The following TRAF3IP2 variants were observed in gnomAD, a reference collection of about 807,000 sequenced individuals.
TRAF3IP2 encodes the protein TRAF3 interacting protein 2.
A neutral mutation model predicts 57.9 loss-of-function variants in TRAF3IP2; 35 were observed. That is an observed-to-expected ratio of 0.60 (90% CI 0.46 to 0.80). TRAF3IP2 has a LOEUF of 0.80. Among genes scored for constraint, TRAF3IP2 ranks in the 30% least tolerant of loss-of-function variants. The pLI, the probability that TRAF3IP2 is intolerant of heterozygous loss-of-function variation, is 0.00. For missense variants in TRAF3IP2, 556 were observed against 706.4 expected, an observed-to-expected ratio of 0.79 and a Z score of 2.41; for synonymous variants, 251 against 268.9, an observed-to-expected ratio of 0.93 and a Z score of 0.65.
intron 1 of TRAF3IP2, among the ~76,000 whole-genome samples, chr6:111,594,717 C>A (rs1407186981): frequency 6.6e-6 from 1 of 152,098 alleles, no homozygotes; most frequent in East Asian, 1.9e-4. Flanking sequence ...AGTTCAAGAC[C>A]AGCCTTGGCA....
chr6:111,589,212 CACA>C (rs1013341526), intron 2 of TRAF3IP2, among the ~76,000 whole-genome samples: 1 of 151,900 alleles, frequency 6.6e-6, no homozygotes, highest in African/African-American at 2.4e-5. Context: ...AGGCGCCCGC[CACA>C]ACAACTGGCT....
chr6:111,578,890 T>C (rs371895713), intron 3 of TRAF3IP2, among the ~76,000 whole-genome samples: 1 of 152,362 alleles, frequency 6.6e-6, no homozygotes, highest in African/African-American at 2.4e-5. Context: ...TATATAAAAG[T>C]TGCTTTTGAG....
At chr6:111,577,796 T>C (rs984266403) in intron 3 of TRAF3IP2, among the ~76,000 whole-genome samples, 2 of 152,104 alleles carry the variant, frequency 1.3e-5, no homozygotes, top group African/African-American at 4.8e-5. Context: ...ACTGCAGCCA[T>C]GACCTCTTGT....
At position 111,566,615 on chromosome 6, in the gene TRAF3IP2, G is replaced by C. The variant is rs558990040; in HGVS notation, c.1360-55C>G. 5 of 1,488,348 alleles carry C rather than the reference G, an allele frequency of 3.4e-6. No homozygotes were observed. In the East Asian group the frequency reaches 9.0e-5, roughly 27 times the overall value. The allele number at this position is 1,488,348 out of a possible 1,614,324, so 92.2% of individuals were successfully genotyped here. On this transcript the variant is annotated intron_variant, in intron 6 of 8. Coordinates refer to ENST00000368761, the MANE Select transcript of TRAF3IP2 (RefSeq NM_147686.4). Reference sequence around the variant, plus strand: ...ATGGAAGTGTACCAGCAGGACTGTGGGCATTCTCTGACACACGGGGTGGAG... The same window carrying C: ...ATGGAAGTGTACCAGCAGGACTGTGCGCATTCTCTGACACACGGGGTGGAG...
chr6:111,597,746 A>G (rs965393340), intron 1 of TRAF3IP2: 1 of 434,056 alleles, frequency 2.3e-6, no homozygotes, highest in African/African-American at 2.0e-5. Flanking sequence ...AGTCCTGGGG[A>G]CATATAACTG....
At chr6:111,560,876 C>T (rs1222200946) in intron 8 of TRAF3IP2, among the ~76,000 whole-genome samples, 1 of 152,178 alleles carries the variant, frequency 6.6e-6, no homozygotes, top group Non-Finnish European at 1.5e-5. Flanking sequence ...TGAAATATAT[C>T]AGCATGAAGG....
intron 1 of TRAF3IP2, among the ~76,000 whole-genome samples, chr6:111,596,755 T>C (rs988776819): frequency 6.6e-6 from 1 of 151,932 alleles, no homozygotes; most frequent in Non-Finnish European, 1.5e-5. Context: ...CGCCAGTCGG[T>C]GTGCCTGACT....
At position 111,596,133 on chromosome 6, in the gene TRAF3IP2, T is replaced by C. The variant is rs1319342831; in HGVS notation, c.-8-4039A>G. 2.6e-5 allele frequency among the ~76,000 whole-genome samples: 4 copies of C among 152,236 alleles called. No homozygotes were observed. The East Asian group carries it at 7.7e-4, about 29-fold the overall frequency. ...TAAAATGTTTACACTCTCCTCTCAT[T>C]CCCATCTCCCTTCCCTGCTTTACCT... On this transcript the variant is annotated intron_variant, in intron 1 of 8. Coordinates refer to ENST00000368761, the MANE Select transcript of TRAF3IP2 (RefSeq NM_147686.4).
At chr6:111,571,363 C>T (rs879546247) in intron 5 of TRAF3IP2, among the ~76,000 whole-genome samples, 4 of 152,044 alleles carry the variant, frequency 2.6e-5, no homozygotes, top group African/African-American at 4.8e-5. Context: ...CAGGTGTGAG[C>T]CACTGCGCCT....
At chr6:111,599,757 G>A (rs1258152645) in intron 1 of TRAF3IP2, 1 of 152,156 alleles carries the variant, frequency 6.6e-6, no homozygotes, top group Non-Finnish European at 1.5e-5. Context: ...CCTTTCTTCA[G>A]GTCCGTTAGA....
rs1292984718 is a variant in TRAF3IP2 at position 111,557,287 on chromosome 6, A to AGTT, written c.*2115_*2117dup. ...ATAATTAAAGCCATCCCACCTTTAT[A>AGTT]GTTTACGTAGATTTGATACATGTAT... On this transcript the variant is annotated 3_prime_UTR_variant, in exon 9 of 9. Coordinates refer to ENST00000368761, the MANE Select transcript of TRAF3IP2 (RefSeq NM_147686.4). 6.6e-6 allele frequency: 1 copy of AGTT among 152,188 alleles called. No individual in the cohort carries two copies. Among genetic ancestry groups the AGTT allele is most frequent in the Non-Finnish European group, 1.5e-5 (1 of 68,046 alleles). 9.4% of individuals were successfully genotyped at this position (152,188 alleles called of 1,614,324 possible).
At chr6:111,594,973 T>G (rs566199722) in intron 1 of TRAF3IP2, among the ~76,000 whole-genome samples, 1 of 152,362 alleles carries the variant, frequency 6.6e-6, no homozygotes, top group African/African-American at 2.4e-5. Context: ...GGCTAATGCC[T>G]ATAGTCCCAA....
intron 1 of TRAF3IP2, among the ~76,000 whole-genome samples, chr6:111,604,898 C>T (rs1053882190): frequency 1.6e-4 from 24 of 152,256 alleles, no homozygotes; most frequent in African/African-American, 5.1e-4. Flanking sequence ...ACTATCCTGG[C>T]TTTGTTTTAT....
At chr6:111,596,643 A>C (rs1355838325) in intron 1 of TRAF3IP2, among the ~76,000 whole-genome samples, 1 of 152,154 alleles carries the variant, frequency 6.6e-6, no homozygotes, top group Non-Finnish European at 1.5e-5. Context: ...TAGTAGAGAC[A>C]GAGTTTCACC....
chr6:111,601,395 G>C (rs992238263), intron 1 of TRAF3IP2: 6 of 489,740 alleles, frequency 1.2e-5, no homozygotes, highest in African/African-American at 1.2e-4. Flanking sequence ...ATTGAAAACT[G>C]GTTGACAGAG....
At chr6:111,562,266 T>G (rs999977317) in intron 8 of TRAF3IP2, among the ~76,000 whole-genome samples, 1 of 152,222 alleles carries the variant, frequency 6.6e-6, no homozygotes, top group African/African-American at 2.4e-5. Context: ...AATCATTAGC[T>G]TTGAGAGCTG....
In TRAF3IP2 at chr6:111,566,459, C is replaced by T; in HGVS notation, c.1461G>A (p.Lys487=). 2 of 1,613,900 alleles carry T rather than the reference C, an allele frequency of 1.2e-6. No homozygotes were observed. Among genetic ancestry groups the T allele is most frequent in the Non-Finnish European group, 1.7e-6 (2 of 1,179,804 alleles). The change falls in exon 7 of 9, where the codon AAG becomes AAA. Residue 487 remains lysine (K), a synonymous_variant. Coordinates refer to ENST00000368761, the MANE Select transcript of TRAF3IP2 (RefSeq NM_147686.4). ...CCCCACTCACCATTCGATGAATGTA[C>T]TTAGTATGTAAGCCATGCTCATCCT... ...LDEDEHGLHT[K]YIHRMMQIEF...
In TRAF3IP2 at chr6:111,557,861, A is replaced by C. The variant is rs1278867923; in HGVS notation, c.*1544T>G. 6.6e-6 allele frequency: 1 copy of C among 151,994 alleles called. No individual in the cohort carries two copies. The highest frequency in any genetic ancestry group is 6.6e-5 in the Admixed American group (1 of 15,264). The allele number at this position is 151,994 out of a possible 1,614,324, so 9.4% of individuals were successfully genotyped here. A position where few individuals can be genotyped will look rare whatever the true frequency, so the allele number is the denominator to read the frequency against. ...AATATGAAACCCTGTCTCTACTAAA[A>C]ATACAAAAATTAGCTGGGCATGGTG... On this transcript the variant is annotated 3_prime_UTR_variant, in exon 9 of 9. Coordinates refer to ENST00000368761, the MANE Select transcript of TRAF3IP2 (RefSeq NM_147686.4).
Position 111,575,781 on chromosome 6 carries a change from G to C in TRAF3IP2, c.1063C>G (p.Pro355Ala), listed in dbSNP as rs760916707. Residue 355 changes from proline to alanine, a missense_variant, in exon 4 of 9, where the codon CCT becomes GCT. Pro to Ala is a conservative substitution (Grantham distance 27). Transcript: ENST00000368761. ...HHQPPNRAGA[P>A]GESLECPAEL... ...GCAGGGCACTCCAAGGACTCCCCAG[G>C]AGCACCAGCTCTATTAGGTGGCTGG... 3.1e-6 allele frequency: 5 copies of C among 1,610,068 alleles called. No homozygotes were observed. Among genetic ancestry groups the C allele is most frequent in the Non-Finnish European group, 4.2e-6 (5 of 1,178,772 alleles).
Sources: gnomAD v4.1 joint callset for allele counts (sites outside exome capture counted in the v4.1 genomes callset) on GRCh38, gnomAD v4.1.1 for gene constraint, MANE v1.5 for transcripts, NCBI Gene and HGNC (gene_info 2026-07-23, HGNC 2026-07-21) for gene names.